CAPZB: variants seen among roughly 807,000 people sequenced by gnomAD.
The protein encoded by CAPZB is F-actin-capping protein subunit beta.
In CAPZB, 2 loss-of-function variants were observed where a neutral mutation model predicts 38.1. The observed-to-expected ratio is 0.05, with a 90% CI of 0.02 to 0.17. The LOEUF (loss-of-function observed/expected upper bound fraction) is 0.17. CAPZB is among the 10% of genes least tolerant of loss of function. CAPZB has a pLI of 1.00. For synonymous variants in CAPZB, 107 were observed against 127.4 expected, an observed-to-expected ratio of 0.84 and a Z score of 1.08; for missense variants, 161 against 334.2, an observed-to-expected ratio of 0.48 and a Z score of 4.04.
At chr1:19,434,659 G>A (rs1375034881) in intron 1 of CAPZB, among the ~76,000 whole-genome samples, 4 of 152,032 alleles carry the variant, frequency 2.6e-5, no homozygotes, top group African/African-American at 9.7e-5. Flanking sequence ...AGCCAACGCA[G>A]TGGCTCATGC....
chr1:19,351,804 C>T (rs1048536183), intron 6 of CAPZB, among the ~76,000 whole-genome samples: 9 of 152,136 alleles, frequency 5.9e-5, no homozygotes, highest in African/African-American at 2.2e-4. Flanking sequence ...GCTCAGAAAA[C>T]CTGAGCAGGG....
At chr1:19,388,916 C>G (rs884629) in intron 2 of CAPZB, among the ~76,000 whole-genome samples, 97,352 of 152,032 alleles carry the variant, frequency 0.64, 31,387 homozygotes, top group African/African-American at 0.71. Flanking sequence ...AAAACTGGCA[C>G]TGCTTGTCCT....
rs6666423 is a variant in CAPZB, at chr1:19,342,633, C to T, written c.731+1725G>A. ...TGTGGCTGTGCACCGACCGGGAGCA[C>T]ACGTGGGGGTTAGTGGTGGTTTAAA... On this transcript the variant is annotated intron_variant, in intron 8 of 8. Coordinates refer to ENST00000264202, the MANE Select transcript of CAPZB (RefSeq NM_004930.5). 0.011 allele frequency: 7,369 copies of T among 683,762 alleles called. 394 individuals are homozygous for T. The African/African-American group carries it at 0.11, about 11-fold the overall frequency. 42.4% of individuals were successfully genotyped at this position (683,762 alleles called of 1,614,324 possible). A position where few individuals can be genotyped will look rare whatever the true frequency, so the allele number is the denominator to read the frequency against.
intron 1 of CAPZB, among the ~76,000 whole-genome samples, chr1:19,482,384 T>C (rs1400002572): frequency 6.6e-6 from 1 of 152,238 alleles, no homozygotes; most frequent in Non-Finnish European, 1.5e-5. Context: ...TTTCACCTTG[T>C]AACAATACCA....
At chr1:19,477,990 C>T (rs550364308) in intron 1 of CAPZB, among the ~76,000 whole-genome samples, 226 of 152,258 alleles carry the variant, frequency 1.5e-3, no homozygotes, top group African/African-American at 5.2e-3. Context: ...AATAAGATAC[C>T]GAGCCTAACT....
At chr1:19,480,049 C>T (rs1452329788) in intron 1 of CAPZB, among the ~76,000 whole-genome samples, 2 of 152,108 alleles carry the variant, frequency 1.3e-5, no homozygotes, top group Non-Finnish European at 2.9e-5. Flanking sequence ...TGCAGGGCTG[C>T]GTGGAGGAGG....
chr1:19,409,173 C>G (rs556509514), intron 2 of CAPZB, among the ~76,000 whole-genome samples: 4 of 151,976 alleles, frequency 2.6e-5, no homozygotes, highest in Non-Finnish European at 5.9e-5. Flanking sequence ...CTTCTCAGAG[C>G]CTTTAATATG....
intron 1 of CAPZB, among the ~76,000 whole-genome samples, chr1:19,473,010 C>T (rs891522740): frequency 2.0e-5 from 3 of 152,290 alleles, no homozygotes. Context: ...AGCCACAGTG[C>T]CCGGCCCATT....
At chr1:19,429,871 T>A (rs1400063840) in intron 1 of CAPZB, among the ~76,000 whole-genome samples, 1 of 151,834 alleles carries the variant, frequency 6.6e-6, no homozygotes, top group African/African-American at 2.4e-5. Flanking sequence ...CTGCCCTGAG[T>A]ACGACGGAGC....
rs140141306 is a variant in CAPZB at position 19,473,856 on chromosome 1, T to C, written c.3+11580A>G. Among the ~76,000 whole-genome samples the C allele has an allele frequency of 8.0e-3, 1,211 of 152,056 alleles. 13 individuals are homozygous for C. The highest frequency in any genetic ancestry group is 0.027 in the African/African-American group (1,135 of 41,476). On this transcript the variant is annotated intron_variant, in intron 1 of 8. Transcript: ENST00000264202. ...TCCAGCCTAGGCAAAGAGAATGAAA[T>C]TCTGTCTTAAAAAAAAGAGAGAGAT...
chr1:19,405,438 C>T (rs1168616970), intron 2 of CAPZB, among the ~76,000 whole-genome samples: 3 of 145,620 alleles, frequency 2.1e-5, no homozygotes. Context: ...GTCAATGAGA[C>T]AGGAAAACAA....
chr1:19,398,534 G>A (rs552404183), intron 2 of CAPZB, among the ~76,000 whole-genome samples: 2 of 152,182 alleles, frequency 1.3e-5, no homozygotes, highest in Non-Finnish European at 1.5e-5. Context: ...GGGGGAGCGG[G>A]TGCTAAGGCA....
At chr1:19,363,260 A>AATTTTTTTTT (rs755017379) in intron 4 of CAPZB, among the ~76,000 whole-genome samples, 1 of 123,126 alleles carries the variant, frequency 8.1e-6, no homozygotes, top group Admixed American at 9.2e-5. Flanking sequence ...TAAAAAAAAA[A>AATTTTTTTTT]TTTTTTTTTT....
chr1:19,365,629 G>A (rs1196377372), intron 4 of CAPZB, among the ~76,000 whole-genome samples: 1 of 151,958 alleles, frequency 6.6e-6, no homozygotes, highest in African/African-American at 2.4e-5. Context: ...TCAGGAGTTC[G>A]AGACCAGCCT....
chr1:19,407,025 A>G (rs772298827), intron 2 of CAPZB, among the ~76,000 whole-genome samples: 5 of 152,214 alleles, frequency 3.3e-5, no homozygotes, highest in Non-Finnish European at 7.3e-5. Flanking sequence ...AAGGCACTCC[A>G]CTATCAACTT....
chr1:19,452,889 T>C (rs2094521373), intron 1 of CAPZB, among the ~76,000 whole-genome samples: 4 of 150,638 alleles, frequency 2.7e-5, no homozygotes, highest in Admixed American at 2.6e-4. Context: ...CTGCAACCTC[T>C]GCCTCCTGAG....
At chr1:19,348,647 C>T (rs1038380372) in intron 6 of CAPZB, among the ~76,000 whole-genome samples, 2 of 151,648 alleles carry the variant, frequency 1.3e-5, no homozygotes, top group African/African-American at 4.9e-5. Context: ...CATCACGGCT[C>T]ACTGGGCTGG....
At chr1:19,398,523 T>C (rs1178407550) in intron 2 of CAPZB, among the ~76,000 whole-genome samples, 1 of 152,000 alleles carries the variant, frequency 6.6e-6, no homozygotes, top group Non-Finnish European at 1.5e-5. Flanking sequence ...CGTGTCTGAG[T>C]GGGGGAGCGG....
intron 1 of CAPZB, among the ~76,000 whole-genome samples, chr1:19,429,068 C>A (rs1406809118): frequency 6.6e-6 from 1 of 152,162 alleles, no homozygotes; most frequent in African/African-American, 2.4e-5. Flanking sequence ...TGCAAATGAT[C>A]ACAGGACAAT....
Sources: gnomAD v4.1 joint callset for allele counts (sites outside exome capture counted in the v4.1 genomes callset) on GRCh38, gnomAD v4.1.1 for gene constraint, MANE v1.5 for transcripts, NCBI Gene and HGNC (gene_info 2026-07-23, HGNC 2026-07-21) for gene names.